KIF26B: variants seen among roughly 807,000 people sequenced by gnomAD.
KIF26B encodes kinesin-like protein KIF26B.
Under a neutral mutation model 151.2 loss-of-function variants are expected in KIF26B, and 63 were observed. The observed-to-expected ratio is 0.42, with a 90% CI of 0.34 to 0.51. KIF26B has a LOEUF of 0.51. KIF26B is among the 20% of genes least tolerant of loss of function. The pLI, the probability that KIF26B is intolerant of heterozygous loss-of-function variation, is 0.07. For synonymous variants in KIF26B, 1,357 were observed against 1,262.1 expected, an observed-to-expected ratio of 1.08 and a Z score of -1.59; for missense variants, 2,813 against 2,913.6, an observed-to-expected ratio of 0.97 and a Z score of 0.79.
intron 9 of KIF26B, among the ~76,000 whole-genome samples, chr1:245,629,993 A>C (rs569987031): frequency 6.6e-6 from 1 of 152,044 alleles, no homozygotes; most frequent in Admixed American, 6.5e-5. Flanking sequence ...GCTCAACATC[A>C]CTGATCATTA....
intron 10 of KIF26B, among the ~76,000 whole-genome samples, chr1:245,666,368 AT>A (rs1457108082): frequency 6.6e-6 from 1 of 152,190 alleles, no homozygotes; most frequent in African/African-American, 2.4e-5. Context: ...AACTACTTGT[AT>A]TTTGAATAAA....
intron 5 of KIF26B, among the ~76,000 whole-genome samples, chr1:245,576,905 C>T (rs1190814094): frequency 1.3e-5 from 2 of 152,118 alleles, no homozygotes; most frequent in African/African-American, 4.8e-5. Context: ...TGCCATTTCT[C>T]ACATCTTTAT....
At chr1:245,410,511 C>T (rs572464974) in intron 3 of KIF26B, among the ~76,000 whole-genome samples, 3 of 152,256 alleles carry the variant, frequency 2.0e-5, no homozygotes, top group African/African-American at 7.2e-5. Flanking sequence ...TGCAGTGGCA[C>T]AATCATAGCT....
intron 2 of KIF26B, among the ~76,000 whole-genome samples, chr1:245,295,944 G>A (rs933205039): frequency 5.9e-5 from 9 of 152,082 alleles, no homozygotes; most frequent in African/African-American, 2.2e-4. Context: ...ACACAGCTCT[G>A]GTTCACACTT....
At chr1:245,567,898 A>C (rs1375841855) in intron 5 of KIF26B, among the ~76,000 whole-genome samples, 1 of 152,016 alleles carries the variant, frequency 6.6e-6, no homozygotes, top group Non-Finnish European at 1.5e-5. Context: ...AAAGTTCTTA[A>C]AGGGGCCGGG....
intron 2 of KIF26B, among the ~76,000 whole-genome samples, chr1:245,356,462 C>G (rs1014567650): frequency 6.6e-6 from 1 of 152,028 alleles, no homozygotes; most frequent in Admixed American, 6.6e-5. Flanking sequence ...GAGGCTGAGG[C>G]AGGAGAATTG....
At chr1:245,576,128 G>C (rs889331055) in intron 5 of KIF26B, among the ~76,000 whole-genome samples, 1 of 152,102 alleles carries the variant, frequency 6.6e-6, no homozygotes, top group Admixed American at 6.5e-5. Context: ...TCTGAAAACT[G>C]TAAGAATGAA....
intron 2 of KIF26B, among the ~76,000 whole-genome samples, chr1:245,346,904 C>G (rs535065165): frequency 6.6e-6 from 1 of 152,300 alleles, no homozygotes; most frequent in South Asian, 2.1e-4. Flanking sequence ...CTTCATGTCT[C>G]TCATTGTCTA....
chr1:245,632,092 T>G (rs535568391), intron 9 of KIF26B, among the ~76,000 whole-genome samples: 2 of 152,208 alleles, frequency 1.3e-5, no homozygotes, highest in South Asian at 4.2e-4. Flanking sequence ...TCAGTTTGCT[T>G]TGGCTTTTTT....
At chr1:245,305,027 C>T (rs1022035420) in intron 2 of KIF26B, among the ~76,000 whole-genome samples, 2 of 152,120 alleles carry the variant, frequency 1.3e-5, no homozygotes, top group African/African-American at 4.8e-5. Flanking sequence ...GAAAAAGATA[C>T]AGAGCCAGAA....
At chr1:245,691,933 C>T (rs187398960) in intron 12 of KIF26B, among the ~76,000 whole-genome samples, 1 of 152,206 alleles carries the variant, frequency 6.6e-6, no homozygotes, top group East Asian at 1.9e-4. Flanking sequence ...AGTTAGAAAG[C>T]AGGAGGAGGC....
rs2043075203 is a variant in KIF26B at position 245,572,497 on chromosome 1, C to G, written c.1351-30080C>G. Among the ~76,000 whole-genome samples the G allele has an allele frequency of 6.6e-6, 1 of 152,160 alleles. No homozygotes were observed. Among genetic ancestry groups the G allele is most frequent in the Non-Finnish European group, 1.5e-5 (1 of 68,040 alleles). ...CAGGCACGGTATCCTGCGCTGCTAGCACCGTAGCCATCACTGACCTCAGGA... is the reference window on the plus strand; with the variant it reads ...CAGGCACGGTATCCTGCGCTGCTAGGACCGTAGCCATCACTGACCTCAGGA... On this transcript the variant is annotated intron_variant, in intron 5 of 14. Transcript: ENST00000407071. The surrounding 1 kb of genome is among the most constrained non-coding windows in gnomAD (Gnocchi z 4.2).
intron 4 of KIF26B, among the ~76,000 whole-genome samples, chr1:245,486,539 C>T (rs12089406): frequency 0.17 from 25,719 of 152,056 alleles, 2,304 homozygotes; most frequent in South Asian, 0.22. Context: ...CTTTTAAATA[C>T]GTAAGATAAT....
At chr1:245,373,805 T>C (rs1194691789) in intron 3 of KIF26B, among the ~76,000 whole-genome samples, 2 of 151,848 alleles carry the variant, frequency 1.3e-5, no homozygotes, top group Non-Finnish European at 2.9e-5. Flanking sequence ...CTCATGCCTG[T>C]AATTTCAGCA....
At position 245,495,207 on chromosome 1, in the gene KIF26B, A is replaced by G. The variant is rs913090315; in HGVS notation, c.1167-45560A>G. 6.6e-6 allele frequency among the ~76,000 whole-genome samples: 1 copy of G among 152,216 alleles called. No homozygotes were observed. The highest frequency in any genetic ancestry group is 2.4e-5 in the African/African-American group (1 of 41,464). ...ATCAGTTGAAAATATCCAGAGAGAT[A>G]CATGGAGAACAAAAAGGATCAAAAT... On this transcript the variant is annotated intron_variant, in intron 4 of 14. Transcript: ENST00000407071. This position sits in a 1 kb window ranked among gnomAD's most constrained non-coding sequence, Gnocchi z 4.2.
chr1:245,700,956 C>CTATT (rs565767634), intron 14 of KIF26B, among the ~76,000 whole-genome samples: 102 of 152,338 alleles, frequency 6.7e-4, no homozygotes, highest in African/African-American at 2.3e-3. Flanking sequence ...TTCATTTTTG[C>CTATT]TATTTTCATT....
intron 4 of KIF26B, among the ~76,000 whole-genome samples, chr1:245,472,344 C>T (rs1659934953): frequency 6.6e-6 from 1 of 152,158 alleles, no homozygotes; most frequent in Non-Finnish European, 1.5e-5. Flanking sequence ...CCAGTGGACT[C>T]TTGGCTTTTA....
Position 245,688,047 on chromosome 1 carries a change from G to A in KIF26B, c.5064G>A (p.Leu1688=). The change falls in exon 12 of 15, where the codon CTG becomes CTA. Residue 1688 remains leucine (L), a synonymous_variant. Coordinates refer to ENST00000407071, the MANE Select transcript of KIF26B (RefSeq NM_018012.4). ...TCTCCCTGGAGCGGGCCGAGAGCCT[G>A]TCCTCCGTGAGCTCCCGGCTGCACG... ...ECLSLERAES[L]SSVSSRLHAG... is the part of the protein sequence containing the mutation. 2 of 1,554,962 alleles carry A rather than the reference G, an allele frequency of 1.3e-6. No homozygotes were observed. The highest frequency in any genetic ancestry group is 2.4e-5 in the East Asian group (1 of 41,238).
chr1:245,306,145 C>T (rs1671536075), intron 2 of KIF26B, among the ~76,000 whole-genome samples: 1 of 151,950 alleles, frequency 6.6e-6, no homozygotes, highest in Non-Finnish European at 1.5e-5. Context: ...TAGAAACAAC[C>T]CAAATGTCTA....
Sources: allele counts gnomAD v4.1 joint callset (sites outside exome capture counted in the v4.1 genomes callset), GRCh38; gene constraint gnomAD v4.1.1; non-coding constraint Gnocchi (gnomAD v3.1); transcripts MANE v1.5; gene names NCBI Gene and HGNC (gene_info 2026-07-23, HGNC 2026-07-21).